The following WDHD1 variants were observed in gnomAD, a reference collection of about 807,000 sequenced individuals.
WDHD1 encodes the protein WD repeat and HMG-box DNA binding protein 1, also known as WD repeat and HMG-box DNA-binding protein 1.
A neutral mutation model predicts 135.4 loss-of-function variants in WDHD1; 111 were observed. The observed-to-expected ratio is 0.82, with a 90% CI of 0.70 to 0.96. The LOEUF (loss-of-function observed/expected upper bound fraction) is 0.96, where lower values mean the gene tolerates loss of function less well. WDHD1 is among the 40% of genes least tolerant of loss of function. The pLI, the probability that WDHD1 is intolerant of heterozygous loss-of-function variation, is 0.00. For synonymous variants in WDHD1, 434 were observed against 439.0 expected (o/e 0.99, Z 0.14); for missense variants, 1,351 against 1,336.3 (o/e 1.01, Z -0.17).
At chr14:55,024,213 G>A (rs1260727217) in intron 2 of WDHD1, among the ~76,000 whole-genome samples, 3 of 152,228 alleles carry the variant, frequency 2.0e-5, no homozygotes, top group Admixed American at 6.5e-5. Flanking sequence ...CTCTGAGCTT[G>A]AGACACAATT....
At chr14:55,013,819 T>TA (rs1417773589) in intron 2 of WDHD1, among the ~76,000 whole-genome samples, 20 of 152,064 alleles carry the variant, frequency 1.3e-4, no homozygotes, top group Admixed American at 7.2e-4. Flanking sequence ...AGTAGGAAGA[T>TA]AACTTGAGCC....
Position 54,966,333 on chromosome 14 carries a change from G to A in WDHD1, c.2310+142C>T, listed in dbSNP as rs8005285. ...CTGGGTGACAGAACGAGACTCCGTC[G>A]CACAAAAAACAACAACAACAACAAA... On this transcript the variant is annotated intron_variant, in intron 18 of 25. Coordinates refer to ENST00000360586, the MANE Select transcript of WDHD1 (RefSeq NM_007086.4). The A allele has an allele frequency of 9.2e-3, 9,459 of 1,031,738 alleles. 619 individuals carry two copies. In the African/African-American group the frequency reaches 0.16, roughly 18 times the overall value. The allele number at this position is 1,031,738 out of a possible 1,614,324, so 63.9% of individuals were successfully genotyped here. A position where few individuals can be genotyped will look rare whatever the true frequency, so the allele number is the denominator to read the frequency against.
intron 5 of WDHD1, 32 bp downstream of exon 5, chr14:55,008,576 A>C: frequency 6.4e-7 from 1 of 1,558,806 alleles, no homozygotes; most frequent in South Asian, 1.2e-5. Context: ...ATATTCAGGA[A>C]AAACACAAAA....
chr14:54,997,112 T>G (rs1292589256), intron 10 of WDHD1, among the ~76,000 whole-genome samples: 2 of 129,768 alleles, frequency 1.5e-5, no homozygotes, highest in African/African-American at 3.1e-5. Flanking sequence ...TTTTTTTTTT[T>G]TGACACAGAG....
chr14:54,997,911 CAA>C (rs769506329), intron 10 of WDHD1, among the ~76,000 whole-genome samples: 2 of 104,516 alleles, frequency 1.9e-5, no homozygotes, highest in Non-Finnish European at 4.0e-5. Flanking sequence ...AACTCCGTCT[CAA>C]AAAAAAAAAA....
At chr14:54,955,418 A>C in intron 24 of WDHD1, 143 bp downstream of exon 24, 1 of 633,252 alleles carries the variant, frequency 1.6e-6, no homozygotes, top group Non-Finnish European at 2.3e-6. Flanking sequence ...TGGCTTCCTT[A>C]TAGTCACAAG....
At chr14:55,011,278 C>T (rs1165699407) in intron 3 of WDHD1, among the ~76,000 whole-genome samples, 1 of 151,942 alleles carries the variant, frequency 6.6e-6, no homozygotes, top group Non-Finnish European at 1.5e-5. Context: ...ACCTGTAATC[C>T]CAGCACTTTG....
intron 16 of WDHD1, among the ~76,000 whole-genome samples, chr14:54,972,590 A>AAAAAAAAAAAAAAT (rs71131244): frequency 1.4e-5 from 1 of 72,810 alleles, no homozygotes; most frequent in Non-Finnish European, 2.4e-5. Flanking sequence ...AAAAAAAAAA[A>AAAAAAAAAAAAAAT]TGCCAATGAG....
In WDHD1 at chr14:54,941,741, TAAG is replaced by T. The variant is rs750954258; in HGVS notation, c.3190-54_3190-52del. The T allele has an allele frequency of 4.8e-6, 7 of 1,464,646 alleles. No homozygotes were observed. In the African/African-American group the frequency reaches 8.5e-5, roughly 18 times the overall value. The allele number at this position is 1,464,646 out of a possible 1,614,324, so 90.7% of individuals were successfully genotyped here. On this transcript the variant is annotated intron_variant, in intron 25 of 25. Coordinates refer to ENST00000360586, the MANE Select transcript of WDHD1 (RefSeq NM_007086.4). Reference sequence around the variant, plus strand: ...GGAAAGATTTTTAGAAAATAACAAATAAGAAGTAAATGATTTATTTACTTTTCC... The same window carrying T: ...GGAAAGATTTTTAGAAAATAACAAATAAGTAAATGATTTATTTACTTTTCC...
intron 22 of WDHD1, 59 bp downstream of exon 22, chr14:54,957,533 A>G (rs560297838): frequency 1.3e-5 from 19 of 1,413,946 alleles, no homozygotes; most frequent in South Asian, 7.8e-5. Context: ...TCATTTGGAA[A>G]TATTTCTTTG....
chr14:55,025,150 T>C (rs1251591645), intron 2 of WDHD1, among the ~76,000 whole-genome samples: 1 of 133,784 alleles, frequency 7.5e-6, no homozygotes, highest in Non-Finnish European at 1.6e-5. Flanking sequence ...GCAGCAATAC[T>C]GCTTTGTAAA....
At chr14:54,964,527 TA>T (rs2041310130) in intron 18 of WDHD1, among the ~76,000 whole-genome samples, 1 of 151,892 alleles carries the variant, frequency 6.6e-6, no homozygotes, top group Admixed American at 6.6e-5. Flanking sequence ...TAGTCCCAGC[TA>T]CTCGGGAGGC....
Position 54,962,481 on chromosome 14 carries a change from T to G in WDHD1, c.2701+17A>C. On this transcript the variant is annotated intron_variant, in intron 21 of 25. Transcript: ENST00000360586. ...GCAAAATTTCCTTGATATTACAAAT[T>G]TATAAATATTTCTCACCTGACTTAG... 2 of 1,597,392 alleles carry G rather than the reference T, an allele frequency of 1.3e-6. No homozygotes were observed. Among genetic ancestry groups the G allele is most frequent in the Non-Finnish European group, 1.7e-6 (2 of 1,167,892 alleles).
chr14:54,974,032 T>A (rs1290843688), intron 16 of WDHD1, among the ~76,000 whole-genome samples: 4 of 151,684 alleles, frequency 2.6e-5, no homozygotes, highest in Middle Eastern at 3.2e-3. Context: ...ATTTGGTGGG[T>A]TTTGATGACG....
chr14:54,976,094 A>G (rs2041519910), intron 16 of WDHD1, among the ~76,000 whole-genome samples: 1 of 152,202 alleles, frequency 6.6e-6, no homozygotes. Context: ...ACAAGCAGGC[A>G]GTGTCACTCG....
At chr14:54,944,682 C>G in intron 24 of WDHD1, 3 of 310,160 alleles carry the variant, frequency 9.7e-6, no homozygotes, top group South Asian at 1.0e-4. Context: ...TGCAATGGCG[C>G]GATCTCAGCT....
chr14:54,952,507 G>A (rs1045115810), intron 24 of WDHD1, among the ~76,000 whole-genome samples: 49 of 152,166 alleles, frequency 3.2e-4, no homozygotes, highest in South Asian at 2.1e-4. Flanking sequence ...ACAAACAAAC[G>A]GAAGAACATT....
Position 54,962,513 on chromosome 14 carries a change from C to T in WDHD1, c.2686G>A (p.Val896Ile). ...TATTTCTCACCTGACTTAGCTGAAA[C>T]ATCAGAGGAATTTGTACTTTTGGAA... ...SFSKSTNSSDVSAKSGAVTFS... is the reference protein window; with the variant it reads ...SFSKSTNSSDISAKSGAVTFS... Residue 896 changes from valine (V) to isoleucine (I), a missense_variant, in exon 21 of 26, where the codon GTT becomes ATT. Coordinates refer to ENST00000360586, the MANE Select transcript of WDHD1 (RefSeq NM_007086.4). 1.2e-6 allele frequency: 2 copies of T among 1,610,052 alleles called. No individual in the cohort carries two copies. The highest frequency in any genetic ancestry group is 1.7e-6 in the Non-Finnish European group (2 of 1,178,036).
At chr14:55,007,141 T>C (rs1463727995) in intron 7 of WDHD1, 139 bp downstream of exon 7, 8 of 613,016 alleles carry the variant, frequency 1.3e-5, no homozygotes, top group African/African-American at 1.9e-5. Flanking sequence ...GGCAGGAGAA[T>C]TGCTAGAACC....
Sources: allele counts gnomAD v4.1 joint callset (sites outside exome capture counted in the v4.1 genomes callset), GRCh38; gene constraint gnomAD v4.1.1; transcripts MANE v1.5; gene names NCBI Gene and HGNC (gene_info 2026-07-23, HGNC 2026-07-21).